Variants in PREX2 observed in about 807,000 individuals in gnomAD.
PREX2 encodes phosphatidylinositol-3,4,5-trisphosphate dependent Rac exchange factor 2, also known as phosphatidylinositol 3,4,5-trisphosphate-dependent Rac exchanger 2 protein.
Under a neutral mutation model 203.2 loss-of-function variants are expected in PREX2, and 107 were observed. The ratio of observed to expected loss-of-function variants is 0.53; its 90% CI spans 0.45 to 0.62. The LOEUF (loss-of-function observed/expected upper bound fraction) is 0.62, where lower values mean the gene tolerates loss of function less well. PREX2 is among the 20% of genes least tolerant of loss of function. PREX2 has a pLI of 0.00. For synonymous variants in PREX2, 672 were observed against 663.6 expected (o/e 1.01, Z -0.19); for missense variants, 1,777 against 1,955.9 (o/e 0.91, Z 1.72).
chr8:68,074,519 G>A (rs1809290500), intron 14 of PREX2, among the ~76,000 whole-genome samples: 1 of 152,064 alleles, frequency 6.6e-6, no homozygotes, highest in Non-Finnish European at 1.5e-5. Context: ...TTCTGATATT[G>A]TAAAACATCC....
chr8:67,952,566 T>C, intron 1 of PREX2, 31 bp downstream of exon 1: 1 of 1,597,500 alleles, frequency 6.3e-7, no homozygotes, highest in Non-Finnish European at 8.5e-7. Context: ...CAGGGGGACG[T>C]CCGGGCGGCG....
chr8:68,006,800 C>G (rs1025398911), intron 1 of PREX2, among the ~76,000 whole-genome samples: 2 of 152,116 alleles, frequency 1.3e-5, no homozygotes, highest in African/African-American at 4.8e-5. Context: ...TTATTCAGAT[C>G]CCGTGAAACA....
At chr8:67,955,491 G>A (rs1308271723) in intron 1 of PREX2, among the ~76,000 whole-genome samples, 1 of 152,186 alleles carries the variant, frequency 6.6e-6, no homozygotes, top group Admixed American at 6.5e-5. Context: ...TGTACCTGGT[G>A]GATTCCTACT....
At chr8:68,108,795 T>C (rs1161470093) in intron 24 of PREX2, among the ~76,000 whole-genome samples, 2 of 152,180 alleles carry the variant, frequency 1.3e-5, no homozygotes. Context: ...TTTTATTTTA[T>C]GGAATCTCAA....
In PREX2 at chr8:68,106,699, G is replaced by T. The variant is rs144573896; in HGVS notation, c.2716-1410G>T. ...AATGTCAATTTTGATATTTATTCTT[G>T]AATTTAATCTAGAAAAGTTAGATAA... On this transcript the variant is annotated intron_variant, in intron 23 of 39. Transcript: ENST00000288368. Among the ~76,000 whole-genome samples the T allele has an allele frequency of 4.6e-5, 7 of 152,008 alleles. No homozygotes were observed. In the East Asian group the frequency reaches 7.7e-4, roughly 17 times the overall value.
intron 37 of PREX2, among the ~76,000 whole-genome samples, chr8:68,199,680 A>C (rs548334986): frequency 6.6e-6 from 1 of 152,346 alleles, no homozygotes; most frequent in Admixed American, 6.5e-5. Context: ...TCATATAAGC[A>C]ATGTAAAAAA....
Position 68,066,059 on chromosome 8 carries a change from T to C in PREX2, c.1340-2974T>C, listed in dbSNP as rs1324718150. Among the ~76,000 whole-genome samples the C allele has an allele frequency of 2.0e-5, 3 of 152,146 alleles. No individual in the cohort carries two copies. In the East Asian group the frequency reaches 5.8e-4, roughly 29 times the overall value. On this transcript the variant is annotated intron_variant, in intron 11 of 39. Transcript: ENST00000288368. Reference sequence around the variant, plus strand: ...TGTGGTGAGAACATTTAAGATCTACTCTCTTAGCAATTTTCAAGTATGGAA... The same window carrying C: ...TGTGGTGAGAACATTTAAGATCTACCCTCTTAGCAATTTTCAAGTATGGAA...
intron 35 of PREX2, among the ~76,000 whole-genome samples, chr8:68,162,201 A>T (rs1329022989): frequency 6.6e-6 from 1 of 151,750 alleles, no homozygotes; most frequent in Non-Finnish European, 1.5e-5. Flanking sequence ...CTAGTCACTA[A>T]TTTTCAGTGA....
chr8:67,974,341 A>G (rs934701488), intron 1 of PREX2, among the ~76,000 whole-genome samples: 4 of 152,214 alleles, frequency 2.6e-5, no homozygotes, highest in Non-Finnish European at 4.4e-5. Flanking sequence ...AAAGAGAGAA[A>G]AAAAGTAAAA....
chr8:67,995,217 A>T (rs1296029304), intron 1 of PREX2, among the ~76,000 whole-genome samples: 1 of 152,078 alleles, frequency 6.6e-6, no homozygotes, highest in Non-Finnish European at 1.5e-5. Context: ...AGTTTTCATG[A>T]TTACATTTTT....
chr8:68,133,250 C>T (rs1320465903), intron 31 of PREX2, among the ~76,000 whole-genome samples: 1 of 152,066 alleles, frequency 6.6e-6, no homozygotes, highest in Admixed American at 6.6e-5. Context: ...TGGGAGAAAC[C>T]ACCCCCATAA....
chr8:68,125,970 A>G (rs1810877707), intron 30 of PREX2, among the ~76,000 whole-genome samples: 1 of 151,996 alleles, frequency 6.6e-6, no homozygotes, highest in Non-Finnish European at 1.5e-5. Flanking sequence ...TAATTTCACT[A>G]CTGTGTCACA....
intron 34 of PREX2, among the ~76,000 whole-genome samples, chr8:68,156,338 A>G (rs990006272): frequency 3.9e-5 from 6 of 152,238 alleles, no homozygotes; most frequent in African/African-American, 1.4e-4. Flanking sequence ...TGCTGGAATT[A>G]TAGGCATGAG....
At chr8:68,133,999 A>C in intron 31 of PREX2, 60 bp from the exon 32 acceptor site, 2 of 1,336,950 alleles carry the variant, frequency 1.5e-6, no homozygotes, top group Non-Finnish European at 2.1e-6. Context: ...TGCTGAACGC[A>C]TTGGTTTTCA....
chr8:68,110,082 G>A (rs118053710), intron 25 of PREX2, among the ~76,000 whole-genome samples: 4,169 of 152,158 alleles, frequency 0.027, 105 homozygotes, highest in Non-Finnish European at 0.043. Flanking sequence ...TCTCTAGGAC[G>A]AATTTTTTTT....
intron 7 of PREX2, among the ~76,000 whole-genome samples, chr8:68,043,182 C>A (rs1808248397): frequency 6.6e-6 from 1 of 152,056 alleles, no homozygotes; most frequent in East Asian, 1.9e-4. Flanking sequence ...GGGATGAATT[C>A]CTAATTTATA....
rs115832752 is a variant in PREX2, at chr8:68,092,328, A to T, written c.2251-1277A>T. On this transcript the variant is annotated intron_variant, in intron 20 of 39. Transcript: ENST00000288368. ...CAGGGCACCAAGATGTAATGGAATG[A>T]TCAAATGTTAATTAGCATTTTAATG... Among the ~76,000 whole-genome samples, 1,293 of 152,352 alleles carry T rather than the reference A, an allele frequency of 8.5e-3. 26 individuals are homozygous for T. The highest frequency in any genetic ancestry group is 0.029 in the African/African-American group (1,224 of 41,582).
chr8:68,064,981 TCA>T (rs1421724171), intron 11 of PREX2, among the ~76,000 whole-genome samples: 2 of 152,328 alleles, frequency 1.3e-5, no homozygotes, highest in South Asian at 2.1e-4. Context: ...CCTGGTTCTC[TCA>T]CACAGTTATT....
In PREX2 at chr8:68,131,055, T is replaced by C. The variant is rs547107532; in HGVS notation, c.3767-3004T>C. On this transcript the variant is annotated intron_variant, in intron 31 of 39. Transcript: ENST00000288368. The stretch of plus-strand genomic sequence containing the variant: ...AGGGCATTTGGTATTTGAGGACTGC[T>C]GAGCGGTACTGTGTGGCTCAAAGAG... Among the ~76,000 whole-genome samples, 13 of 152,362 alleles carry C rather than the reference T, an allele frequency of 8.5e-5. 1 individual carries two copies. Among genetic ancestry groups the C allele is most frequent in the African/African-American group, 3.1e-4 (13 of 41,590 alleles).
Sources: allele counts gnomAD v4.1 joint callset (sites outside exome capture counted in the v4.1 genomes callset), GRCh38; gene constraint gnomAD v4.1.1; transcripts MANE v1.5; gene names NCBI Gene and HGNC (gene_info 2026-07-23, HGNC 2026-07-21).